MALRD1: variants seen among roughly 807,000 people sequenced by gnomAD.
MALRD1 encodes the protein MAM and LDL receptor class A domain containing 1.
Under a neutral mutation model 242.1 loss-of-function variants are expected in MALRD1, and 247 were observed. The ratio of observed to expected loss-of-function variants is 1.02; its 90% CI spans 0.92 to 1.13. The LOEUF is 1.13. MALRD1 is among the 50% of genes most tolerant of loss of function. The probability of loss-of-function intolerance (pLI) is 0.00; values close to 1 mark genes in which losing one functional copy is unlikely to be tolerated. For missense variants in MALRD1, 2,989 were observed against 2,533.1 expected, an observed-to-expected ratio of 1.18 and a Z score of -3.86; for synonymous variants, 995 against 866.6, an observed-to-expected ratio of 1.15 and a Z score of -2.60.
At chr10:19,255,054 G>T (rs1432633738) in intron 18 of MALRD1, among the ~76,000 whole-genome samples, 1 of 151,978 alleles carries the variant, frequency 6.6e-6, no homozygotes, top group Non-Finnish European at 1.5e-5. Flanking sequence ...AAGTTCCAAC[G>T]TGGTTACCAA....
chr10:19,344,524 G>A (rs1310486179), intron 24 of MALRD1, among the ~76,000 whole-genome samples: 1 of 151,874 alleles, frequency 6.6e-6, no homozygotes, highest in Non-Finnish European at 1.5e-5. Flanking sequence ...TCCTCCACCA[G>A]TACAAGACAG....
intron 38 of MALRD1, among the ~76,000 whole-genome samples, chr10:19,696,425 C>T (rs1032379644): frequency 4.6e-5 from 7 of 152,128 alleles, no homozygotes; most frequent in African/African-American, 1.7e-4. Context: ...CCAAATATGT[C>T]ACAGAGCAAA....
chr10:19,604,933 ACTT>A (rs2061733014), intron 34 of MALRD1, among the ~76,000 whole-genome samples: 1 of 152,132 alleles, frequency 6.6e-6, no homozygotes, highest in African/African-American at 2.4e-5. Flanking sequence ...ACCTGTGCAT[ACTT>A]CTTCATTTTT....
chr10:19,686,787 C>G (rs2131808590), intron 36 of MALRD1, among the ~76,000 whole-genome samples: 1 of 152,154 alleles, frequency 6.6e-6, no homozygotes, highest in Non-Finnish European at 1.5e-5. Flanking sequence ...GGATGGAAGC[C>G]TAAATGAATT....
intron 36 of MALRD1, among the ~76,000 whole-genome samples, chr10:19,618,938 A>G (rs920344487): frequency 6.6e-6 from 1 of 151,690 alleles, no homozygotes; most frequent in African/African-American, 2.4e-5. Context: ...GTTTGTCTAC[A>G]CTCGCTCACT....
Position 19,155,132 on chromosome 10 carries a change from C to A in MALRD1, c.1616C>A (p.Pro539His). The A allele has an allele frequency of 8.1e-7, 1 of 1,231,522 alleles. No individual in the cohort carries two copies. 76.3% of individuals were successfully genotyped at this position (1,231,522 alleles called of 1,614,324 possible). The change falls in exon 12 of 40, where the codon CCT (proline) becomes CAT (histidine). Residue 539 changes from proline to histidine, a missense_variant. Transcript: ENST00000454679. Reference protein sequence around the residue: ...RSPGVAKLGSPVLTKLLTAST... With the variant: ...RSPGVAKLGSHVLTKLLTAST... ...CCCGGGGTGGCCAAGCTTGGAAGTC[C>A]TGTTCTTACAAAATTGCTCACTGCC...
chr10:19,387,871 C>A, intron 27 of MALRD1, 98 bp downstream of exon 27: 3 of 1,392,598 alleles, frequency 2.2e-6, no homozygotes, highest in Non-Finnish European at 2.9e-6. Flanking sequence ...GAAGAGACCA[C>A]CACGATGGTA....
chr10:19,117,188 C>T (rs1353049155), intron 5 of MALRD1, among the ~76,000 whole-genome samples: 1 of 151,456 alleles, frequency 6.6e-6, no homozygotes, highest in Non-Finnish European at 1.5e-5. Context: ...CTTTAAATAG[C>T]TTTGAGCTCT....
At chr10:19,095,951 G>A (rs897809454) in intron 4 of MALRD1, among the ~76,000 whole-genome samples, 1 of 152,138 alleles carries the variant, frequency 6.6e-6, no homozygotes, top group African/African-American at 2.4e-5. Context: ...TATTTAATAA[G>A]TGAGATGAGA....
At chr10:19,235,155 T>C (rs140337267) in intron 18 of MALRD1, among the ~76,000 whole-genome samples, 1 of 152,218 alleles carries the variant, frequency 6.6e-6, no homozygotes, top group Non-Finnish European at 1.5e-5. Context: ...GTCAGGTAAG[T>C]GAGCTGATCA....
At chr10:19,261,532 T>G (rs1440616902) in intron 19 of MALRD1, among the ~76,000 whole-genome samples, 2 of 152,018 alleles carry the variant, frequency 1.3e-5, no homozygotes, top group Non-Finnish European at 2.9e-5. Context: ...GAATCATGCT[T>G]GTAACTTCAC....
intron 28 of MALRD1, among the ~76,000 whole-genome samples, chr10:19,418,529 C>T (rs993351940): frequency 6.6e-6 from 1 of 151,104 alleles, no homozygotes; most frequent in Admixed American, 6.6e-5. Context: ...TTAGTGCCTT[C>T]CATGATGTCT....
At chr10:19,497,861 G>A (rs1364704658) in intron 30 of MALRD1, among the ~76,000 whole-genome samples, 1 of 151,836 alleles carries the variant, frequency 6.6e-6, no homozygotes, top group Non-Finnish European at 1.5e-5. Context: ...CTTTTCACAG[G>A]TGACTAGAAA....
chr10:19,116,602 G>T (rs16918253), intron 5 of MALRD1, among the ~76,000 whole-genome samples: 10,632 of 152,098 alleles, frequency 0.07, 447 homozygotes, highest in South Asian at 0.13. Flanking sequence ...TGAGAGAGTC[G>T]GGACAATTTC....
intron 34 of MALRD1, among the ~76,000 whole-genome samples, chr10:19,606,640 C>G (rs7077327): frequency 0.97 from 148,275 of 152,222 alleles, 72,244 homozygotes; most frequent in East Asian, 1. Context: ...CAGTGCTAGA[C>G]AGTAGAGTTA....
intron 36 of MALRD1, among the ~76,000 whole-genome samples, chr10:19,659,076 G>A (rs375530796): frequency 7.2e-5 from 11 of 152,246 alleles, no homozygotes; most frequent in Non-Finnish European, 8.8e-5. Context: ...TTGCTCTTTA[G>A]CCATCAGGGT....
At chr10:19,519,919 C>T (rs1267055058) in intron 31 of MALRD1, among the ~76,000 whole-genome samples, 2 of 152,124 alleles carry the variant, frequency 1.3e-5, no homozygotes, top group African/African-American at 4.8e-5. Context: ...TATTGTTTAC[C>T]TCTTTTTAAA....
At chr10:19,271,165 A>G (rs926792578) in intron 19 of MALRD1, among the ~76,000 whole-genome samples, 2 of 152,318 alleles carry the variant, frequency 1.3e-5, no homozygotes, top group East Asian at 1.9e-4. Flanking sequence ...TGAGAAAACA[A>G]TACCTTAGAA....
At position 19,121,773 on chromosome 10, in the gene MALRD1, A is replaced by T. The variant is rs536781495; in HGVS notation, c.695-1719A>T. 8.5e-5 allele frequency among the ~76,000 whole-genome samples: 13 copies of T among 152,292 alleles called. No individual in the cohort carries two copies. The South Asian group carries it at 2.5e-3, about 29-fold the overall frequency. On this transcript the variant is annotated intron_variant, in intron 5 of 39. Coordinates refer to ENST00000454679, the MANE Select transcript of MALRD1 (RefSeq NM_001142308.3). ...GGACAGCTGGCCAGTGAGATTGATG[A>T]TGGGACTTGTAAAGTTTTCTTCTGA...
Sources: allele counts gnomAD v4.1 joint callset (sites outside exome capture counted in the v4.1 genomes callset), GRCh38; gene constraint gnomAD v4.1.1; transcripts MANE v1.5; gene names NCBI Gene and HGNC (gene_info 2026-07-23, HGNC 2026-07-21).